Variants in TENM2 observed in about 807,000 individuals in gnomAD.
TENM2 encodes teneurin transmembrane protein 2.
TENM2 carries 52 observed loss-of-function variants against 245.2 expected under a neutral mutation model. That is an observed-to-expected ratio of 0.21 (90% CI 0.17 to 0.27). TENM2 has a LOEUF of 0.27. Ranked by LOEUF, TENM2 falls within the 10% of genes least tolerant of loss-of-function variation. The pLI, the probability that TENM2 is intolerant of heterozygous loss-of-function variation, is 1.00. For missense variants in TENM2, 3,046 were observed against 3,666.8 expected (o/e 0.83, Z 4.37); for synonymous variants, 1,363 against 1,438.9 (o/e 0.95, Z 1.19).
chr5:167,716,428 T>C (rs1582826301), intron 2 of TENM2, among the ~76,000 whole-genome samples: 3 of 152,324 alleles, frequency 2.0e-5, no homozygotes, highest in Admixed American at 2.0e-4. Context: ...CAAGTTTTCA[T>C]CGGCAGTGGG....
exon 11 of TENM2, chr5:168,125,010 C>T: frequency 1.9e-6 from 3 of 1,610,246 alleles, no homozygotes; most frequent in Non-Finnish European, 2.5e-6. Context: ...CGGGCCTCTG[C>T]AGCTGCGATC....
intron 2 of TENM2, among the ~76,000 whole-genome samples, chr5:167,770,155 T>C (rs185610163): frequency 1.1e-3 from 165 of 152,266 alleles, no homozygotes; most frequent in African/African-American, 3.9e-3. Flanking sequence ...GAAAGAATGA[T>C]GAACAAAGGT....
chr5:167,385,334 T>C (rs559719419), intron 2 of TENM2, among the ~76,000 whole-genome samples: 1 of 151,852 alleles, frequency 6.6e-6, no homozygotes, highest in African/African-American at 2.4e-5. Flanking sequence ...TTTTATATTT[T>C]TATCTCTCAT....
intron 2 of TENM2, among the ~76,000 whole-genome samples, chr5:167,478,484 T>A (rs1299952901): frequency 6.6e-6 from 1 of 152,214 alleles, no homozygotes; most frequent in Admixed American, 6.5e-5. Context: ...TTGTAGCTTG[T>A]GCATTGTTTG....
the TENM2 span, among the ~76,000 whole-genome samples, chr5:167,023,739 G>C: frequency 6.6e-6 from 1 of 152,124 alleles, no homozygotes; most frequent in South Asian, 2.1e-4. Context: ...GCATCTATAT[G>C]TCCAAGATAG....
chr5:167,090,737 A>G, the TENM2 span, among the ~76,000 whole-genome samples: 1 of 152,222 alleles, frequency 6.6e-6, no homozygotes, highest in Non-Finnish European at 1.5e-5. Context: ...ACATCAATGC[A>G]ACAAATAGTA....
At chr5:167,872,542 AAGAAAGAG>A (rs1173102781) in intron 2 of TENM2, among the ~76,000 whole-genome samples, 6 of 48,070 alleles carry the variant, frequency 1.2e-4, no homozygotes, top group East Asian at 3.9e-4. Context: ...GAAAGAAAGA[AAGAAAGAG>A]AAAGAAAGAA....
At chr5:167,085,663 T>A in the TENM2 span, among the ~76,000 whole-genome samples, 2 of 152,182 alleles carry the variant, frequency 1.3e-5, no homozygotes, top group African/African-American at 4.8e-5. Context: ...GAAGTCTGAT[T>A]CAAAAGCTCC....
intron 2 of TENM2, among the ~76,000 whole-genome samples, chr5:167,497,769 C>T (rs1415062657): frequency 6.6e-6 from 1 of 152,036 alleles, no homozygotes; most frequent in Admixed American, 6.6e-5. Flanking sequence ...TTATTGGGTA[C>T]CCATAGGGTG....
chr5:167,502,802 A>T (rs1582223958), intron 2 of TENM2, among the ~76,000 whole-genome samples: 1 of 152,150 alleles, frequency 6.6e-6, no homozygotes, highest in East Asian at 1.9e-4. Context: ...CATGCTGAAA[A>T]TGCATATTCC....
At chr5:167,430,587 A>T (rs1668399839) in intron 2 of TENM2, among the ~76,000 whole-genome samples, 3 of 152,282 alleles carry the variant, frequency 2.0e-5, no homozygotes, top group African/African-American at 7.2e-5. Flanking sequence ...TGCCATCACA[A>T]CTAGAATAAC....
At position 167,746,710 on chromosome 5, in the gene TENM2, A is replaced by AGAGAGAGAGAGAGAGC. The variant is rs761614775; in HGVS notation, c.503-129271_503-129270insAGAGAGAGAGCGAGAG. On this transcript the variant is annotated intron_variant, in intron 2 of 28. Transcript: ENST00000518659. ...GAGAGAGAGAGAGAGAGAGAGAGAG[A>AGAGAGAGAGAGAGAGC]GAGAGCTGGACTCTACACAATTAGT... 5.5e-3 allele frequency among the ~76,000 whole-genome samples: 800 copies of AGAGAGAGAGAGAGAGC among 144,900 alleles called. 9 individuals carry two copies. The highest frequency in any genetic ancestry group is 6.3e-3 in the Non-Finnish European group (417 of 66,016).
chr5:167,300,770 G>C (rs1176527652), intron 1 of TENM2, among the ~76,000 whole-genome samples: 1 of 152,082 alleles, frequency 6.6e-6, no homozygotes, highest in Admixed American at 6.6e-5. Context: ...GGATATGAAG[G>C]AGGCTTTGAA....
intron 2 of TENM2, among the ~76,000 whole-genome samples, chr5:167,459,957 A>G (rs960983705): frequency 6.6e-5 from 10 of 151,760 alleles, no homozygotes; most frequent in African/African-American, 2.2e-4. Context: ...CACAACACAC[A>G]CTCAAACGCA....
At chr5:167,963,880 G>A (rs1781196205) in intron 4 of TENM2, among the ~76,000 whole-genome samples, 1 of 152,100 alleles carries the variant, frequency 6.6e-6, no homozygotes, top group Non-Finnish European at 1.5e-5. Context: ...AGACAAACAA[G>A]CATATAAGGG....
At chr5:168,079,495 C>A (rs1378205813) in intron 7 of TENM2, among the ~76,000 whole-genome samples, 8 of 152,184 alleles carry the variant, frequency 5.3e-5, no homozygotes, top group Non-Finnish European at 7.3e-5. Flanking sequence ...GAGAGGGCAT[C>A]CCTGTCGTGT....
chr5:167,331,251 AAAG>A (rs1757442747), intron 1 of TENM2, among the ~76,000 whole-genome samples: 1 of 151,472 alleles, frequency 6.6e-6, no homozygotes, highest in Non-Finnish European at 1.5e-5. Context: ...AAAAAAAAAA[AAAG>A]ACAAGAAAAA....
chr5:167,732,210 A>G (rs1262914853), intron 2 of TENM2, among the ~76,000 whole-genome samples: 1 of 152,196 alleles, frequency 6.6e-6, no homozygotes, highest in Non-Finnish European at 1.5e-5. Flanking sequence ...GTCATTACCA[A>G]CACCTAAGAG....
At chr5:167,078,309 C>A in the TENM2 span, among the ~76,000 whole-genome samples, 4 of 151,968 alleles carry the variant, frequency 2.6e-5, no homozygotes, top group Non-Finnish European at 5.9e-5. Context: ...CATGGAGAAA[C>A]CCTGTCTCTA....
Sources: gnomAD v4.1 joint callset for allele counts (sites outside exome capture counted in the v4.1 genomes callset) on GRCh38, gnomAD v4.1.1 for gene constraint, MANE v1.5 for transcripts, NCBI Gene and HGNC (gene_info 2026-07-23, HGNC 2026-07-21) for gene names.